The following MAP7 variants were observed in gnomAD, a reference collection of about 807,000 sequenced individuals.
MAP7 encodes microtubule associated protein 7, also known as ensconsin.
Under a neutral mutation model 94.8 loss-of-function variants are expected in MAP7, and 52 were observed. That is an observed-to-expected ratio of 0.55 (90% confidence interval 0.44 to 0.69). The LOEUF is 0.69. Among genes scored for constraint, MAP7 ranks in the 30% least tolerant of loss-of-function variants. The pLI is 0.00. For synonymous variants in MAP7, 350 were observed against 357.0 expected (o/e 0.98, Z 0.22); for missense variants, 940 against 964.6 (o/e 0.97, Z 0.34).
Position 136,449,083 on chromosome 6 carries a change from C to A in MAP7, c.68-27284G>T, listed in dbSNP as rs537849753. On this transcript the variant is annotated intron_variant, in intron 1 of 17. Transcript: ENST00000354570. ...CAGCACTTTGGGAGGCCGAGGCGGGCGGATCACGAGGTCAGGAGATCGAGA... is the reference window on the plus strand; with the variant it reads ...CAGCACTTTGGGAGGCCGAGGCGGGAGGATCACGAGGTCAGGAGATCGAGA... Among the ~76,000 whole-genome samples, 5 of 151,032 alleles carry A rather than the reference C, an allele frequency of 3.3e-5. No individual in the cohort carries two copies. The East Asian group carries it at 7.8e-4, about 24-fold the overall frequency.
chr6:136,473,169 C>A (rs1449384440), intron 1 of MAP7, among the ~76,000 whole-genome samples: 2 of 152,164 alleles, frequency 1.3e-5, no homozygotes. Flanking sequence ...CTCTAAAGTA[C>A]ATCTCAATTC....
At chr6:136,500,133 T>A (rs375806566) in intron 1 of MAP7, among the ~76,000 whole-genome samples, 3 of 152,246 alleles carry the variant, frequency 2.0e-5, no homozygotes, top group African/African-American at 7.2e-5. Flanking sequence ...AATTTAGTCA[T>A]ATATAAAGGA....
chr6:136,548,413 G>C (rs2129063625), intron 1 of MAP7, among the ~76,000 whole-genome samples: 1 of 152,096 alleles, frequency 6.6e-6, no homozygotes. Flanking sequence ...AGTAATCTTG[G>C]GGTAGAAAAA....
intron 2 of MAP7, among the ~76,000 whole-genome samples, chr6:136,415,782 G>A (rs1260840531): frequency 1.3e-5 from 2 of 152,162 alleles, no homozygotes; most frequent in Non-Finnish European, 2.9e-5. Flanking sequence ...TAAGGCCAAT[G>A]CTTAGGACTG....
chr6:136,412,005 T>C (rs577510082), intron 2 of MAP7, among the ~76,000 whole-genome samples: 1 of 152,364 alleles, frequency 6.6e-6, no homozygotes, highest in South Asian at 2.1e-4. Context: ...ACTTCTATTA[T>C]TTTTATGCTT....
Position 136,344,230 on chromosome 6 carries a change from A to G in MAP7, c.2248T>C (p.Ter750ArgextTer9), listed in dbSNP as rs1158424464. Residue 750 changes from the stop codon to arginine (R), a stop_lost, in exon 18 of 18, where the codon TGA becomes CGA. Coordinates refer to ENST00000354570, the MANE Select transcript of MAP7 (RefSeq NM_003980.6). ...CTTTGGTTCTTCAGAAGAAACACTC[A>G]TATAACTTCTACATGAAGAGACAGA... The part of the protein sequence containing the change: ...VQTQQTAEVI[*>R] 6.0e-6 allele frequency: 8 copies of G among 1,333,948 alleles called. No homozygotes were observed. The highest frequency in any genetic ancestry group is 3.0e-5 in the African/African-American group (2 of 65,804). 82.6% of individuals were successfully genotyped at this position (1,333,948 alleles called of 1,614,324 possible).
At chr6:136,362,246 C>T (rs1793028257) in intron 11 of MAP7, among the ~76,000 whole-genome samples, 1 of 151,918 alleles carries the variant, frequency 6.6e-6, no homozygotes, top group Non-Finnish European at 1.5e-5. Context: ...TATAGTGAGA[C>T]CCCATTTCTA....
At chr6:136,490,764 T>C (rs983647184) in intron 1 of MAP7, among the ~76,000 whole-genome samples, 1 of 152,216 alleles carries the variant, frequency 6.6e-6, no homozygotes, top group African/African-American at 2.4e-5. Context: ...CCTGTGCTGC[T>C]TGGAAGATGA....
intron 16 of MAP7, among the ~76,000 whole-genome samples, chr6:136,348,058 G>A (rs1788173298): frequency 6.9e-6 from 1 of 145,920 alleles, no homozygotes; most frequent in African/African-American, 2.6e-5. Context: ...AACATCTACT[G>A]TTCTAAGTGC....
At chr6:136,516,831 T>C (rs1249280117) in intron 1 of MAP7, among the ~76,000 whole-genome samples, 1 of 152,130 alleles carries the variant, frequency 6.6e-6, no homozygotes, top group Non-Finnish European at 1.5e-5. Context: ...CTGGATACAT[T>C]TGGCATCCCC....
chr6:136,429,074 C>T lies in MAP7; in HGVS notation c.68-7275G>A, dbSNP rs541358605. 3.3e-5 allele frequency among the ~76,000 whole-genome samples: 5 copies of T among 152,314 alleles called. No homozygotes were observed. In the East Asian group the frequency reaches 9.6e-4, roughly 29 times the overall value. On this transcript the variant is annotated intron_variant, in intron 1 of 17. Coordinates refer to ENST00000354570, the MANE Select transcript of MAP7 (RefSeq NM_003980.6). ...CCACAAGGCACACATCCATTCCTCT[C>T]TTGCATCCTTCATCAAGCATTTGTT... is the stretch of plus-strand genomic sequence containing the variant.
At chr6:136,385,306 T>C (rs1305550249) in intron 5 of MAP7, among the ~76,000 whole-genome samples, 1 of 152,172 alleles carries the variant, frequency 6.6e-6, no homozygotes, top group African/African-American at 2.4e-5. Flanking sequence ...AAATTTATAC[T>C]TAGCTGATGG....
At chr6:136,446,687 T>C (rs1799468052) in intron 1 of MAP7, among the ~76,000 whole-genome samples, 1 of 152,148 alleles carries the variant, frequency 6.6e-6, no homozygotes, top group Admixed American at 6.5e-5. Context: ...AAAAGACACA[T>C]CACTTTGGAG....
intron 1 of MAP7, among the ~76,000 whole-genome samples, chr6:136,495,453 TACACACACAC>T (rs55923280): frequency 2.8e-5 from 4 of 142,932 alleles, no homozygotes; most frequent in South Asian, 2.3e-4. Context: ...AGTGTGAGAA[TACACACACAC>T]ACACACACAC....
At chr6:136,420,186 A>G (rs1420181584) in intron 2 of MAP7, 18 of 995,620 alleles carry the variant, frequency 1.8e-5, no homozygotes, top group Non-Finnish European at 2.8e-5. Context: ...GTGGGCCCCC[A>G]GATGACTGGA....
At chr6:136,421,572 C>T in intron 2 of MAP7, 129 bp downstream of exon 2, 1 of 768,302 alleles carries the variant, frequency 1.3e-6, no homozygotes, top group Non-Finnish European at 2.1e-6. Flanking sequence ...GGACTGAAAC[C>T]AAGCTCTCCT....
In MAP7 at chr6:136,364,239, G is replaced by C. The variant is rs948462216; in HGVS notation, c.1273+1496C>G. 7.4e-6 allele frequency: 4 copies of C among 543,022 alleles called. No homozygotes were observed. The African/African-American group carries it at 7.7e-5, about 10-fold the overall frequency. 33.6% of individuals were successfully genotyped at this position (543,022 alleles called of 1,614,324 possible). On this transcript the variant is annotated intron_variant, in intron 10 of 17. Transcript: ENST00000354570. The stretch of plus-strand genomic sequence containing the variant: ...TAAGATCAATGCCCTCATTAAAGCA[G>C]CTGGTGTAAATGTTGAACCTTTTTG...
chr6:136,514,436 G>A (rs1462662369), intron 1 of MAP7, among the ~76,000 whole-genome samples: 1 of 151,796 alleles, frequency 6.6e-6, no homozygotes, highest in Non-Finnish European at 1.5e-5. Context: ...AATACAAAAA[G>A]TTAGCCAGGT....
chr6:136,533,927 C>T (rs1233445295), intron 1 of MAP7, among the ~76,000 whole-genome samples: 2 of 152,128 alleles, frequency 1.3e-5, no homozygotes, highest in South Asian at 4.1e-4. Context: ...TCCTTTGCTA[C>T]TTTGCCACTC....
Sources: allele counts gnomAD v4.1 joint callset (sites outside exome capture counted in the v4.1 genomes callset), GRCh38; gene constraint gnomAD v4.1.1; transcripts MANE v1.5; gene names NCBI Gene and HGNC (gene_info 2026-07-23, HGNC 2026-07-21).